The following CNTN6 variants were observed in gnomAD, a reference collection of about 807,000 sequenced individuals.
CNTN6 encodes the protein contactin-6.
A neutral mutation model predicts 122.8 loss-of-function variants in CNTN6; 137 were observed. The observed-to-expected ratio is 1.12, with a 90% CI of 0.97 to 1.29. The LOEUF is 1.29. CNTN6 is among the 50% of genes most tolerant of loss of function. CNTN6 has a pLI of 0.00. For missense variants in CNTN6, 1,634 were observed against 1,223.4 expected, an observed-to-expected ratio of 1.34 and a Z score of -5.01; for synonymous variants, 570 against 426.0, an observed-to-expected ratio of 1.34 and a Z score of -4.16.
intron 4 of CNTN6, among the ~76,000 whole-genome samples, chr3:1,243,251 C>G (rs558185629): frequency 1.8e-4 from 28 of 152,220 alleles, no homozygotes; most frequent in African/African-American, 6.5e-4. Flanking sequence ...GGCCTGGTGG[C>G]CAGATTTCTG....
intron 4 of CNTN6, among the ~76,000 whole-genome samples, chr3:1,274,525 A>G (rs1691963509): frequency 1.3e-5 from 2 of 152,162 alleles, no homozygotes; most frequent in African/African-American, 4.8e-5. Context: ...AAAATATAAG[A>G]CTTTCTCAAT....
At chr3:1,224,377 G>A (rs2094250504) in intron 3 of CNTN6, among the ~76,000 whole-genome samples, 1 of 152,022 alleles carries the variant, frequency 6.6e-6, no homozygotes, top group South Asian at 2.1e-4. Flanking sequence ...TATACTCAAT[G>A]ATAATGTATT....
chr3:1,325,774 C>T (rs2125986349), intron 8 of CNTN6, 41 bp from the exon 9 acceptor site: 1 of 1,598,064 alleles, frequency 6.3e-7, no homozygotes, highest in Non-Finnish European at 8.5e-7. Context: ...TCTTGGATAA[C>T]TGCCTTTTAC....
rs541279112 is a variant in CNTN6 at position 1,295,801 on chromosome 3, G to C, written c.655G>C (p.Asp219His). The stretch of plus-strand genomic sequence containing the variant: ...ACCCACTCCATTAGTGCAGCGCACT[G>C]ATGGTAAGATAATGAGTTATCTTGG... ...GPPTPLVQRTDGVMGEYEPKI... is the reference protein window; with the variant it reads ...GPPTPLVQRTHGVMGEYEPKI... The change falls in exon 6 of 23, where the codon GAT becomes CAT. Residue 219 changes from aspartate to histidine, a missense_variant. Physicochemically the swap from Asp to His is moderately conservative, Grantham distance 81 (BLOSUM62 -1). Coordinates refer to ENST00000446702, the MANE Select transcript of CNTN6 (RefSeq NM_001289080.2). 1 of 1,608,458 alleles carries C rather than the reference G, an allele frequency of 6.2e-7. No homozygotes were observed. Among genetic ancestry groups the C allele is most frequent in the Non-Finnish European group, 8.5e-7 (1 of 1,174,900 alleles).
chr3:1,346,772 G>C (rs1704782862), intron 11 of CNTN6, among the ~76,000 whole-genome samples: 1 of 152,162 alleles, frequency 6.6e-6, no homozygotes, highest in African/African-American at 2.4e-5. Flanking sequence ...TAGTCTCGAT[G>C]TAGTTCCTTA....
chr3:1,142,551 T>C (rs1031090900), intron 1 of CNTN6, among the ~76,000 whole-genome samples: 2 of 152,054 alleles, frequency 1.3e-5, no homozygotes, highest in African/African-American at 4.8e-5. Flanking sequence ...TATTTTAGAG[T>C]TTAGAATTCA....
chr3:1,301,032 T>A, intron 7 of CNTN6, among the ~76,000 whole-genome samples: 1 of 16,780 alleles, frequency 6.0e-5, no homozygotes, highest in Non-Finnish European at 1.5e-4. Context: ...AACTTTTTTT[T>A]TTTTTTTTTT....
At chr3:1,360,719 A>G (rs1320565738) in intron 12 of CNTN6, among the ~76,000 whole-genome samples, 1 of 152,038 alleles carries the variant, frequency 6.6e-6, no homozygotes, top group Non-Finnish European at 1.5e-5. Flanking sequence ...ACTCAAATCA[A>G]GCTAATTCCA....
rs79769828 is a variant in CNTN6 at position 1,195,237 on chromosome 3, C to T, written c.56-25450C>T. 8.5e-4 allele frequency among the ~76,000 whole-genome samples: 129 copies of T among 152,212 alleles called. 1 individual carries two copies. The East Asian group carries it at 0.017, about 20-fold the overall frequency. ...ACAGGCTCTTGCCTATGTTTTTCTC[C>T]ACTTTCTCTGCCTCTAAACTGAGCC... On this transcript the variant is annotated intron_variant, in intron 2 of 22. Coordinates refer to ENST00000446702, the MANE Select transcript of CNTN6 (RefSeq NM_001289080.2).
Position 1,383,171 on chromosome 3 carries a change from A to G in CNTN6, c.2396A>G (p.Glu799Gly), listed in dbSNP as rs770235675. Residue 799 changes from glutamate to glycine, a missense_variant, in exon 18 of 23, where the codon GAA becomes GGA. Transcript: ENST00000446702. ...ACTGTGACCATTGTCTACTCTGGGG[A>G]AGATGGTAAGTTGTCCTCAACTCTG... ...LSTVTIVYSG[E>G]DEPQLAPRGT... 5.6e-6 allele frequency: 9 copies of G among 1,611,684 alleles called. No individual in the cohort carries two copies. Among genetic ancestry groups the G allele is most frequent in the Non-Finnish European group, 6.8e-6 (8 of 1,177,986 alleles).
intron 21 of CNTN6, among the ~76,000 whole-genome samples, chr3:1,401,874 G>T (rs535019814): frequency 3.6e-4 from 55 of 151,946 alleles, no homozygotes; most frequent in Middle Eastern, 3.2e-3. Context: ...TCTAAATAGA[G>T]ATTTTAGAAC....
At chr3:1,139,430 C>T (rs2092559066) in intron 1 of CNTN6, among the ~76,000 whole-genome samples, 1 of 152,128 alleles carries the variant, frequency 6.6e-6, no homozygotes, top group Non-Finnish European at 1.5e-5. Flanking sequence ...TCAAGACCAA[C>T]ATCATCATCT....
chr3:1,266,630 T>G (rs2094930130), intron 4 of CNTN6, among the ~76,000 whole-genome samples: 1 of 152,200 alleles, frequency 6.6e-6, no homozygotes, highest in African/African-American at 2.4e-5. Context: ...ACCATCACAA[T>G]GAATAAAAGG....
At chr3:1,123,998 T>C (rs896499921) in intron 1 of CNTN6, among the ~76,000 whole-genome samples, 3 of 151,990 alleles carry the variant, frequency 2.0e-5, no homozygotes, top group African/African-American at 7.2e-5. Flanking sequence ...TCTGATTGTT[T>C]CCTTATGTTG....
At chr3:1,157,229 A>AATTT (rs879516738) in intron 2 of CNTN6, among the ~76,000 whole-genome samples, 1 of 143,466 alleles carries the variant, frequency 7.0e-6, no homozygotes, top group African/African-American at 2.7e-5. Flanking sequence ...TAATTTATTT[A>AATTT]TTTATTTATG....
intron 4 of CNTN6, among the ~76,000 whole-genome samples, chr3:1,244,002 T>G (rs1473866807): frequency 1.3e-5 from 2 of 152,138 alleles, no homozygotes; most frequent in Admixed American, 6.5e-5. Context: ...GAAAAATGCC[T>G]GGACGTAAGG....
chr3:1,399,866 A>G (rs531456512), intron 20 of CNTN6, among the ~76,000 whole-genome samples: 12 of 152,270 alleles, frequency 7.9e-5, no homozygotes, highest in African/African-American at 2.9e-4. Flanking sequence ...ATGTAAACCA[A>G]TGTGATAAAC....
intron 10 of CNTN6, among the ~76,000 whole-genome samples, chr3:1,328,610 TGAG>T (rs1424082185): frequency 4.0e-5 from 6 of 151,794 alleles, no homozygotes; most frequent in African/African-American, 1.5e-4. Context: ...GGCTAAGAAT[TGAG>T]GAGTTGCTAT....
At chr3:1,320,835 G>A (rs1405005962) in intron 7 of CNTN6, among the ~76,000 whole-genome samples, 2 of 151,418 alleles carry the variant, frequency 1.3e-5, no homozygotes, top group Non-Finnish European at 3.0e-5. Context: ...TAAACACTTA[G>A]TTTCATTTAT....
Sources: allele counts gnomAD v4.1 joint callset (sites outside exome capture counted in the v4.1 genomes callset), GRCh38; gene constraint gnomAD v4.1.1; transcripts MANE v1.5; gene names NCBI Gene and HGNC (gene_info 2026-07-23, HGNC 2026-07-21).